Variants in SLCO1A2 observed in about 807,000 individuals in gnomAD.
SLCO1A2 encodes the protein OATP-1.
In SLCO1A2, 67 loss-of-function variants were observed where a neutral mutation model predicts 69.0. The ratio of observed to expected loss-of-function variants is 0.97; its 90% CI spans 0.80 to 1.19. The LOEUF (loss-of-function observed/expected upper bound fraction) is 1.19. Ranked by LOEUF, SLCO1A2 falls within the 50% of genes most tolerant of loss-of-function variation. SLCO1A2 has a pLI of 0.00. For synonymous variants in SLCO1A2, 260 were observed against 265.9 expected (o/e 0.98, Z 0.22); for missense variants, 787 against 793.7 (o/e 0.99, Z 0.10).
At chr12:21,379,482 G>T (rs1259390302) in intron 1 of SLCO1A2, 1 of 152,134 alleles carries the variant, frequency 6.6e-6, no homozygotes, top group African/African-American at 2.4e-5. Flanking sequence ...CAGACTTCTG[G>T]AAACTCTTTG....
chr12:21,351,478 T>C (rs774105665), intron 2 of SLCO1A2, among the ~76,000 whole-genome samples: 10 of 152,106 alleles, frequency 6.6e-5, no homozygotes, highest in African/African-American at 1.7e-4. Context: ...TTATAAATAC[T>C]ACTAGTAAAA....
chr12:21,396,036 G>C (rs1427251270), upstream of SLCO1A2, among the ~76,000 whole-genome samples: 3 of 151,566 alleles, frequency 2.0e-5, no homozygotes, highest in African/African-American at 7.3e-5. Context: ...TGACTTTGAC[G>C]AGCTGAGAGA....
intron 13 of SLCO1A2, 95 bp from the exon 14 acceptor site, chr12:21,274,681 T>C: frequency 1.1e-6 from 1 of 896,952 alleles, no homozygotes; most frequent in Admixed American, 2.1e-5. Context: ...TACGGCAAAG[T>C]TTATCAAAAC....
chr12:21,336,703 T>TA (rs1952903561), upstream of SLCO1A2, among the ~76,000 whole-genome samples: 1 of 152,032 alleles, frequency 6.6e-6, no homozygotes, highest in Admixed American at 6.6e-5. Flanking sequence ...GTTAATATCA[T>TA]AGTCATTGTT....
Position 21,332,842 on chromosome 12 carries a change from G to A in SLCO1A2, c.60+1746C>T, listed in dbSNP as rs532548860. ...CTACTGCCATCACCTTAGAAATTAG[G>A]ATTTCAACATGGGAATTTGGATGGG... On this transcript the variant is annotated intron_variant, in intron 2 of 14. Transcript: ENST00000683939. Among the ~76,000 whole-genome samples the A allele has an allele frequency of 2.7e-3, 415 of 152,066 alleles. 5 individuals carry two copies. Among genetic ancestry groups the A allele is most frequent in the African/African-American group, 9.6e-3 (398 of 41,490 alleles).
At chr12:21,322,191 A>C (rs756217569) in intron 2 of SLCO1A2, among the ~76,000 whole-genome samples, 1 of 152,242 alleles carries the variant, frequency 6.6e-6, no homozygotes, top group East Asian at 1.9e-4. Context: ...TGTAATTCTC[A>C]TAGTTCCAAA....
chr12:21,416,376 A>ACG (rs1941988891), intron 1 of SLCO1A2, among the ~76,000 whole-genome samples: 1 of 151,932 alleles, frequency 6.6e-6, no homozygotes, highest in Non-Finnish European at 1.5e-5. Context: ...ACACACACAC[A>ACG]CACACACACA....
intron 1 of SLCO1A2, among the ~76,000 whole-genome samples, chr12:21,389,015 C>A (rs1020333963): frequency 4.6e-5 from 7 of 152,136 alleles, no homozygotes; most frequent in Non-Finnish European, 1.0e-4. Flanking sequence ...TGTACTGAGC[C>A]TCTTCAATAG....
chr12:21,376,808 C>T (rs1940230464), intron 1 of SLCO1A2, among the ~76,000 whole-genome samples: 2 of 152,038 alleles, frequency 1.3e-5, no homozygotes, highest in African/African-American at 4.8e-5. Flanking sequence ...TATGCATATC[C>T]ACTGGCTCCT....
In SLCO1A2 at chr12:21,325,794, T is replaced by G. The variant is rs1229881236; in HGVS notation, c.61-6871A>C. Among the ~76,000 whole-genome samples the G allele has an allele frequency of 2.0e-5, 3 of 152,206 alleles. No homozygotes were observed. The East Asian group carries it at 5.8e-4, about 29-fold the overall frequency. ...CACCCTCTGGGGTGAGTCCTCTGACTCCCTTTTGCCTTTCTCATTATTCTT... is the reference window on the plus strand; with the variant it reads ...CACCCTCTGGGGTGAGTCCTCTGACGCCCTTTTGCCTTTCTCATTATTCTT... On this transcript the variant is annotated intron_variant, in intron 2 of 14. Transcript: ENST00000683939.
intron 8 of SLCO1A2, among the ~76,000 whole-genome samples, chr12:21,298,188 G>T (rs1042235962): frequency 6.6e-6 from 1 of 152,100 alleles, no homozygotes; most frequent in African/African-American, 2.4e-5. Flanking sequence ...CCAACATCCA[G>T]GTCCCATCCT....
chr12:21,369,911 G>T (rs997429685), intron 2 of SLCO1A2, among the ~76,000 whole-genome samples: 2 of 152,156 alleles, frequency 1.3e-5, no homozygotes, highest in African/African-American at 2.4e-5. Flanking sequence ...GCTACAGGGA[G>T]CATGTAAACT....
intron 12 of SLCO1A2, among the ~76,000 whole-genome samples, chr12:21,287,925 TG>T (rs1455854725): frequency 8.4e-6 from 1 of 118,776 alleles, no homozygotes; most frequent in Non-Finnish European, 1.7e-5. Context: ...GACGAGTTAG[TG>T]GGTGCAGCGC....
rs1352241486 is a variant in SLCO1A2 at position 21,370,321 on chromosome 12, TCTTC to T, written c.-63+4074_-63+4077del. On this transcript the variant is annotated intron_variant, in intron 2 of 15. Coordinates refer to the SLCO1A2 transcript ENST00000307378. ...ATGATAGTCCTTATAAAATACCAGG[TCTTC>T]CTTTTCTTTTTTTTTTATTATACTT... is the stretch of plus-strand genomic sequence containing the variant. Among the ~76,000 whole-genome samples the T allele has an allele frequency of 2.6e-5, 4 of 151,126 alleles. No individual in the cohort carries two copies. In the South Asian group the frequency reaches 6.3e-4, roughly 24 times the overall value.
chr12:21,371,938 G>T (rs930341426), intron 2 of SLCO1A2, among the ~76,000 whole-genome samples: 1 of 151,504 alleles, frequency 6.6e-6, no homozygotes, highest in Non-Finnish European at 1.5e-5. Context: ...GGAGGCACAG[G>T]TTACAGTGAG....
chr12:21,335,356 T>C (rs1952846193), upstream of SLCO1A2, among the ~76,000 whole-genome samples: 1 of 151,992 alleles, frequency 6.6e-6, no homozygotes, highest in Admixed American at 6.6e-5. Flanking sequence ...ATTAAACATA[T>C]AAATGGGTAT....
chr12:21,381,070 G>T (rs1380554184), intron 1 of SLCO1A2, among the ~76,000 whole-genome samples: 1 of 152,096 alleles, frequency 6.6e-6, no homozygotes, highest in Non-Finnish European at 1.5e-5. Flanking sequence ...AGTTGGGTGA[G>T]TGGGCTTAAG....
chr12:21,345,868 T>C (rs866869394), intron 2 of SLCO1A2, among the ~76,000 whole-genome samples: 4 of 152,026 alleles, frequency 2.6e-5, no homozygotes, highest in Admixed American at 6.6e-5. Flanking sequence ...TAATGTTCAG[T>C]TTGCCAGAAG....
rs1268877781 is a variant in SLCO1A2, at chr12:21,269,219, G to T, written c.*329C>A. On this transcript the variant is annotated 3_prime_UTR_variant, in exon 15 of 15. Coordinates refer to ENST00000683939, the MANE Select transcript of SLCO1A2 (RefSeq NM_001386879.1). ...TGGAATTAAATAGGTTTTCATAACA[G>T]AAAATTTTTAGAAGTATTAGTAGAA... The T allele has an allele frequency of 5.9e-6, 1 of 169,060 alleles. No individual in the cohort carries two copies. Among genetic ancestry groups the T allele is most frequent in the East Asian group, 1.7e-4 (1 of 6,034 alleles). The allele number at this position is 169,060 out of a possible 1,614,324, so 10.5% of individuals were successfully genotyped here.
Sources: allele counts gnomAD v4.1 joint callset (sites outside exome capture counted in the v4.1 genomes callset), GRCh38; gene constraint gnomAD v4.1.1; transcripts MANE v1.5; gene names NCBI Gene and HGNC (gene_info 2026-07-23, HGNC 2026-07-21).